SYNE2: variants seen among roughly 807,000 people sequenced by gnomAD.
SYNE2 encodes the protein spectrin repeat containing nuclear envelope protein 2, also known as nesprin-2.
Under a neutral mutation model 856.3 loss-of-function variants are expected in SYNE2, and 431 were observed. The observed-to-expected ratio is 0.50, with a 90% CI of 0.47 to 0.55. The LOEUF is 0.55. Among genes scored for constraint, SYNE2 ranks in the 20% least tolerant of loss-of-function variants. SYNE2 has a pLI of 0.00. For synonymous variants in SYNE2, 2,923 were observed against 2,872.3 expected, an observed-to-expected ratio of 1.02 and a Z score of -0.56; for missense variants, 8,129 against 8,023.2, an observed-to-expected ratio of 1.01 and a Z score of -0.50.
At chr14:64,121,133 CA>C in intron 68 of SYNE2, 72 bp downstream of exon 68, 1 of 1,596,922 alleles carries the variant, frequency 6.3e-7, no homozygotes, top group South Asian at 1.1e-5. Context: ...TGCAAACCTA[CA>C]GTCCTAGCTA....
intron 62 of SYNE2, chr14:64,098,434 A>T (rs2097694868): frequency 3.4e-6 from 2 of 586,630 alleles, no homozygotes; most frequent in South Asian, 4.0e-5. Flanking sequence ...CTTCGTACAG[A>T]AAAGTCAGCC....
chr14:64,090,262 C>T (rs184209030), intron 59 of SYNE2, among the ~76,000 whole-genome samples: 1 of 152,196 alleles, frequency 6.6e-6, no homozygotes, highest in Non-Finnish European at 1.5e-5. Flanking sequence ...ATTTCCTCAC[C>T]TGTGAAATGG....
At position 64,206,180 on chromosome 14, in the gene SYNE2, A is replaced by G. The variant is rs1476888214; in HGVS notation, c.18202-2578A>G. 2.0e-5 allele frequency among the ~76,000 whole-genome samples: 3 copies of G among 152,192 alleles called. No individual in the cohort carries two copies. In the East Asian group the frequency reaches 5.8e-4, roughly 29 times the overall value. On this transcript the variant is annotated intron_variant, in intron 100 of 115. Transcript: ENST00000555002. ...CTTGCTCTGTACCCCCTGGCCCCCAAGTTCCTCCCCAACCTCAGGGTTATG... is the reference window on the plus strand; with the variant it reads ...CTTGCTCTGTACCCCCTGGCCCCCAGGTTCCTCCCCAACCTCAGGGTTATG...
chr14:63,868,280 G>C (rs1227347189), intron 1 of SYNE2, among the ~76,000 whole-genome samples: 1 of 151,934 alleles, frequency 6.6e-6, no homozygotes, highest in African/African-American at 2.4e-5. Flanking sequence ...AAGAACCCAA[G>C]CCTGAGTAAC....
intron 112 of SYNE2, among the ~76,000 whole-genome samples, chr14:64,222,901 C>G (rs545645394): frequency 6.6e-6 from 1 of 152,278 alleles, no homozygotes; most frequent in East Asian, 1.9e-4. Context: ...GGATGAGGGA[C>G]CTGGTCTTCC....
chr14:64,215,965 A>C, intron 107 of SYNE2: 8 of 1,362,614 alleles, frequency 5.9e-6, no homozygotes, highest in Non-Finnish European at 7.6e-6. Context: ...CGGCCTTGCC[A>C]CTCAGTGTCC....
rs1328854239 is a variant in SYNE2 at position 63,782,378 on chromosome 14, G to A, written c.-305+20392G>A. Among the ~76,000 whole-genome samples, 7 of 138,742 alleles carry A rather than the reference G, an allele frequency of 5.0e-5. No homozygotes were observed. In the South Asian group the frequency reaches 1.4e-3, roughly 28 times the overall value. 91.0% of individuals were successfully genotyped at this position (138,742 alleles called of 152,430 possible). On this transcript the variant is annotated intron_variant, in intron 1 of 23. Coordinates refer to the SYNE2 transcript ENST00000674003. ...AGCTACTCAGGAGGTTGAGGCTGGA[G>A]AATCACCTGAACCCAGGAGGCAGAG...
intron 30 of SYNE2, among the ~76,000 whole-genome samples, chr14:64,004,819 G>A (rs1416723224): frequency 4.6e-5 from 7 of 152,074 alleles, no homozygotes; most frequent in East Asian, 1.9e-4. Context: ...ATCCCACCAC[G>A]GCATGCGATT....
intron 17 of SYNE2, 143 bp from the exon 18 acceptor site, chr14:63,983,594 G>A: frequency 1.4e-6 from 1 of 711,726 alleles, no homozygotes; most frequent in Non-Finnish European, 2.3e-6. Flanking sequence ...GGTGTTTTAT[G>A]TGAAATGCTC....
At chr14:63,942,574 CA>C (rs1239546697) in intron 6 of SYNE2, among the ~76,000 whole-genome samples, 1 of 151,940 alleles carries the variant, frequency 6.6e-6, no homozygotes, top group Admixed American at 6.6e-5. Flanking sequence ...TGGCTCACTG[CA>C]ACTTCCACCT....
chr14:64,192,065 TCTTA>T (rs2098521183), intron 99 of SYNE2, among the ~76,000 whole-genome samples: 1 of 152,186 alleles, frequency 6.6e-6, no homozygotes, highest in African/African-American at 2.4e-5. Context: ...ATGAGAAGAC[TCTTA>T]GGTCGTGTGT....
chr14:64,070,687 C>G lies in SYNE2; in HGVS notation c.10474C>G (p.Leu3492Val). The G allele has an allele frequency of 6.2e-7, 1 of 1,613,870 alleles. No homozygotes were observed. Among genetic ancestry groups the G allele is most frequent in the Non-Finnish European group, 8.5e-7 (1 of 1,179,898 alleles). Residue 3492 changes from leucine to valine, a missense_variant, in exon 52 of 116, where the codon CTC (leucine) becomes GTC (valine). This residue lies in a region of SYNE2 where 5,410 missense variants were observed against 5,284.8 expected (regional missense o/e 1.02). Coordinates refer to ENST00000555002, the MANE Select transcript of SYNE2 (RefSeq NM_182914.3). ...AIILDNLQEE[L>V]PEISKTKEAA... ...TATTTTAGATAATCTTCAGGAAGAACTCCCTGAAATTTCCAAAACAAAAGA... is the reference window on the plus strand; with the variant it reads ...TATTTTAGATAATCTTCAGGAAGAAGTCCCTGAAATTTCCAAAACAAAAGA...
At chr14:63,977,352 A>G (rs950147701) in intron 12 of SYNE2, among the ~76,000 whole-genome samples, 3 of 152,014 alleles carry the variant, frequency 2.0e-5, no homozygotes, top group Admixed American at 6.6e-5. Context: ...AGCTGGGACT[A>G]CAGGTGCCCA....
intron 99 of SYNE2, among the ~76,000 whole-genome samples, chr14:64,198,356 G>T (rs759771516): frequency 1.3e-5 from 2 of 152,226 alleles, no homozygotes; most frequent in African/African-American, 4.8e-5. Flanking sequence ...GCCCAACAAT[G>T]TGGAGGTCAG....
At chr14:64,223,406 G>A in intron 113 of SYNE2, 26 bp downstream of exon 113, 2 of 1,611,942 alleles carry the variant, frequency 1.2e-6, no homozygotes, top group Non-Finnish European at 1.7e-6. Flanking sequence ...GCTTTTAACT[G>A]TAAAGATTGC....
intron 1 of SYNE2, among the ~76,000 whole-genome samples, chr14:63,802,700 G>A (rs976117264): frequency 2.6e-5 from 4 of 152,154 alleles, no homozygotes; most frequent in Non-Finnish European, 4.4e-5. Context: ...TTAACGTGGC[G>A]CGTCTGGAGT....
At chr14:64,184,874 T>C (rs186595200) in intron 96 of SYNE2, among the ~76,000 whole-genome samples, 73 of 152,382 alleles carry the variant, frequency 4.8e-4, no homozygotes, top group Non-Finnish European at 2.5e-4. Flanking sequence ...TGGTAAGTTA[T>C]GAAATCATGC....
chr14:63,946,513 G>GTATA (rs10607624), intron 6 of SYNE2, among the ~76,000 whole-genome samples: 1 of 145,914 alleles, frequency 6.9e-6, no homozygotes, highest in Admixed American at 6.9e-5. Context: ...TCATATATAT[G>GTATA]TATATATATG....
At position 63,976,559 on chromosome 14, in the gene SYNE2, T is replaced by TG; in HGVS notation, c.1129-4_1129-3insG. On this transcript the variant is annotated splice_region_variant and splice_polypyrimidine_tract_variant and intron_variant, in intron 11 of 115. Coordinates refer to ENST00000555002, the MANE Select transcript of SYNE2 (RefSeq NM_182914.3). ...TATGTTCTTTTTTTTTTTTTTTTTTTCAGATTAATGCATGGAAAATAAAGC... is the reference window on the plus strand; with the variant it reads ...TATGTTCTTTTTTTTTTTTTTTTTTTGCAGATTAATGCATGGAAAATAAAGC... The TG allele has an allele frequency of 1.3e-6, 2 of 1,538,948 alleles. No homozygotes were observed. The highest frequency in any genetic ancestry group is 1.7e-6 in the Non-Finnish European group (2 of 1,146,344).
Sources: gnomAD v4.1 joint callset for allele counts (sites outside exome capture counted in the v4.1 genomes callset) on GRCh38, gnomAD v4.1.1 for gene constraint, gnomAD v4.1.1 regional missense constraint, MANE v1.5 for transcripts, NCBI Gene and HGNC (gene_info 2026-07-23, HGNC 2026-07-21) for gene names.